Variants in KSR2 observed in about 807,000 individuals in gnomAD.
KSR2 encodes the protein kinase suppressor of ras 2.
In KSR2, 25 loss-of-function variants were observed where a neutral mutation model predicts 107.8. The observed-to-expected ratio is 0.23, with a 90% confidence interval of 0.17 to 0.32. The LOEUF (loss-of-function observed/expected upper bound fraction) is 0.32, where lower values mean the gene tolerates loss of function less well. KSR2 is among the 10% of genes least tolerant of loss of function. The pLI is 1.00. For missense variants in KSR2, 887 were observed against 1,268.9 expected (o/e 0.70, Z 4.57); for synonymous variants, 480 against 507.0 (o/e 0.95, Z 0.71).
chr12:117,762,274 A>C (rs1196989527), intron 3 of KSR2, among the ~76,000 whole-genome samples: 1 of 152,260 alleles, frequency 6.6e-6, no homozygotes, highest in Admixed American at 6.5e-5. Context: ...TGAGATACAC[A>C]AATTCCAAGG....
chr12:117,871,471 C>G (rs1468525083), intron 1 of KSR2, among the ~76,000 whole-genome samples: 1 of 151,980 alleles, frequency 6.6e-6, no homozygotes, highest in Non-Finnish European at 1.5e-5. Flanking sequence ...CACCTGTAAT[C>G]CCATTTATCA....
chr12:117,559,502 A>G (rs772166154), intron 7 of KSR2, among the ~76,000 whole-genome samples: 1 of 152,172 alleles, frequency 6.6e-6, no homozygotes, highest in Non-Finnish European at 1.5e-5. Context: ...ACAGATGGAA[A>G]AACTTGGATT....
chr12:117,536,632 A>T (rs1876074406), intron 10 of KSR2, among the ~76,000 whole-genome samples: 1 of 152,256 alleles, frequency 6.6e-6, no homozygotes, highest in South Asian at 2.1e-4. Flanking sequence ...TATACTGATG[A>T]CTTTGCAAAT....
intron 3 of KSR2, among the ~76,000 whole-genome samples, chr12:117,770,574 CT>C (rs1889404782): frequency 6.6e-6 from 1 of 151,904 alleles, no homozygotes; most frequent in Non-Finnish European, 1.5e-5. Flanking sequence ...TGGACACTGA[CT>C]GGGGGACTGC....
At chr12:117,763,427 T>C (rs1250698297) in intron 3 of KSR2, among the ~76,000 whole-genome samples, 3 of 152,198 alleles carry the variant, frequency 2.0e-5, no homozygotes, top group Non-Finnish European at 2.9e-5. Context: ...ACACAGATTC[T>C]CATGCAACCA....
intron 4 of KSR2, among the ~76,000 whole-genome samples, chr12:117,710,831 C>G (rs374592074): frequency 1.3e-5 from 2 of 152,050 alleles, no homozygotes; most frequent in South Asian, 2.1e-4. Context: ...TCTCATATTC[C>G]TCCCTCACCA....
At chr12:117,494,266 G>A (rs1872903838) in intron 14 of KSR2, among the ~76,000 whole-genome samples, 1 of 151,532 alleles carries the variant, frequency 6.6e-6, no homozygotes, top group South Asian at 2.1e-4. Flanking sequence ...ACTCTGTAGT[G>A]TACCACACCT....
At chr12:117,815,452 T>A (rs1891334177) in intron 3 of KSR2, among the ~76,000 whole-genome samples, 1 of 152,182 alleles carries the variant, frequency 6.6e-6, no homozygotes, top group Non-Finnish European at 1.5e-5. Flanking sequence ...GTGTACATAA[T>A]AAAACATTTA....
intron 5 of KSR2, among the ~76,000 whole-genome samples, chr12:117,594,265 G>C (rs922458273): frequency 2.6e-5 from 4 of 152,156 alleles, no homozygotes; most frequent in African/African-American, 9.7e-5. Flanking sequence ...CTCGGGGACA[G>C]ACCAGACAAG....
chr12:117,914,560 A>G (rs1289576272), intron 1 of KSR2, among the ~76,000 whole-genome samples: 3 of 152,184 alleles, frequency 2.0e-5, no homozygotes, highest in African/African-American at 4.8e-5. Context: ...ATTTTACGAG[A>G]CAGGATCTCT....
intron 7 of KSR2, among the ~76,000 whole-genome samples, chr12:117,561,897 T>C (rs1878147048): frequency 6.6e-6 from 1 of 152,218 alleles, no homozygotes; most frequent in African/African-American, 2.4e-5. Context: ...GGGCCTTTCA[T>C]TCATTCAACA....
At chr12:117,667,799 T>C (rs2136486013) in intron 4 of KSR2, 141 bp from the exon 5 acceptor site, 2 of 688,836 alleles carry the variant, frequency 2.9e-6, no homozygotes, top group South Asian at 4.3e-5. Context: ...GGCTTTTAGG[T>C]AGAGACACAA....
At chr12:117,737,231 C>G (rs1425755631) in intron 4 of KSR2, among the ~76,000 whole-genome samples, 3 of 152,312 alleles carry the variant, frequency 2.0e-5, no homozygotes, top group South Asian at 4.1e-4. Flanking sequence ...GGATTAGAGA[C>G]AAGTTCTGTT....
rs1491293402 is a variant in KSR2, at chr12:117,794,339, ACT to A, written c.473-32817_473-32816del. 7.5e-5 allele frequency among the ~76,000 whole-genome samples: 8 copies of A among 106,652 alleles called. 2 individuals carry two copies. Among genetic ancestry groups the A allele is most frequent in the Non-Finnish European group, 1.1e-4 (6 of 54,820 alleles). The allele number at this position is 106,652 out of a possible 152,430, so 70.0% of individuals were successfully genotyped here. ...AACATGCACTCACACCAACATGCACACTCACACCAACAGGCACACACACCAAC... is the reference window on the plus strand; with the variant it reads ...AACATGCACTCACACCAACATGCACACACACCAACAGGCACACACACCAAC... On this transcript the variant is annotated intron_variant, in intron 3 of 19. Transcript: ENST00000339824.
chr12:117,873,808 A>C (rs1197315056), intron 1 of KSR2, among the ~76,000 whole-genome samples: 2 of 152,104 alleles, frequency 1.3e-5, no homozygotes, highest in Non-Finnish European at 2.9e-5. Flanking sequence ...AATCAACTAC[A>C]CACCACCCCT....
intron 5 of KSR2, among the ~76,000 whole-genome samples, chr12:117,618,119 T>C (rs922669081): frequency 2.0e-5 from 3 of 152,236 alleles, no homozygotes; most frequent in Admixed American, 6.5e-5. Flanking sequence ...TTCTGGATGA[T>C]GTTATCTTTC....
chr12:117,825,904 T>C (rs1362643742), intron 3 of KSR2, among the ~76,000 whole-genome samples: 2 of 101,742 alleles, frequency 2.0e-5, no homozygotes, highest in Admixed American at 2.4e-4. Context: ...CATAGATGCG[T>C]GGATGGGTGG....
At chr12:117,634,880 G>A (rs1882988462) in intron 5 of KSR2, among the ~76,000 whole-genome samples, 1 of 152,198 alleles carries the variant, frequency 6.6e-6, no homozygotes, top group South Asian at 2.1e-4. Flanking sequence ...CCCAAAGATG[G>A]AGATGTGAGA....
intron 1 of KSR2, among the ~76,000 whole-genome samples, chr12:117,935,500 C>A (rs1242163512): frequency 1.3e-5 from 2 of 152,130 alleles, no homozygotes; most frequent in Non-Finnish European, 2.9e-5. Flanking sequence ...TGGTTCATGC[C>A]TGTAATCCCA....
Sources: gnomAD v4.1 joint callset for allele counts (sites outside exome capture counted in the v4.1 genomes callset) on GRCh38, gnomAD v4.1.1 for gene constraint, MANE v1.5 for transcripts, NCBI Gene and HGNC (gene_info 2026-07-23, HGNC 2026-07-21) for gene names.